Variants in CARMIL1 observed in about 807,000 individuals in gnomAD.
The protein encoded by CARMIL1 is capping protein regulator and myosin 1 linker 1, also known as F-actin-uncapping protein LRRC16A.
Under a neutral mutation model 177.1 loss-of-function variants are expected in CARMIL1, and 90 were observed. The observed-to-expected ratio is 0.51, with a 90% CI of 0.43 to 0.61. CARMIL1 has a LOEUF of 0.61. Ranked by LOEUF, CARMIL1 falls within the 20% of genes least tolerant of loss-of-function variation. The pLI, the probability that CARMIL1 is intolerant of heterozygous loss-of-function variation, is 0.00. For missense variants in CARMIL1, 1,380 were observed against 1,667.0 expected (o/e 0.83, Z 3.00); for synonymous variants, 577 against 606.2 (o/e 0.95, Z 0.71).
At chr6:25,296,139 T>C (rs1039621294) in intron 2 of CARMIL1, among the ~76,000 whole-genome samples, 7 of 152,250 alleles carry the variant, frequency 4.6e-5, no homozygotes, top group Non-Finnish European at 8.8e-5. Flanking sequence ...ATTTTATCTG[T>C]ATAGCCAACA....
At chr6:25,406,483 T>A (rs1794386690) in intron 2 of CARMIL1, among the ~76,000 whole-genome samples, 1 of 151,840 alleles carries the variant, frequency 6.6e-6, no homozygotes, top group South Asian at 2.1e-4. Context: ...AGATCCTATA[T>A]GAGCAGGTGA....
At chr6:25,320,783 A>G (rs1286906943) in intron 2 of CARMIL1, among the ~76,000 whole-genome samples, 1 of 152,270 alleles carries the variant, frequency 6.6e-6, no homozygotes, top group East Asian at 1.9e-4. Context: ...GAAGGACCTT[A>G]AAGATCTAGA....
At chr6:25,368,680 T>G (rs956377750) in intron 2 of CARMIL1, among the ~76,000 whole-genome samples, 9 of 152,240 alleles carry the variant, frequency 5.9e-5, no homozygotes, top group African/African-American at 1.9e-4. Context: ...GGTTAAGTCC[T>G]GTACTCTTTA....
chr6:25,619,079 T>C (rs2151360297), intron 36 of CARMIL1, among the ~76,000 whole-genome samples: 1 of 152,316 alleles, frequency 6.6e-6, no homozygotes, highest in African/African-American at 2.4e-5. Context: ...AGGGGGCAGC[T>C]ATGACTGAGG....
intron 4 of CARMIL1, among the ~76,000 whole-genome samples, chr6:25,432,259 C>T (rs530548704): frequency 1.3e-4 from 20 of 152,270 alleles, no homozygotes; most frequent in Admixed American, 2.6e-4. Flanking sequence ...GGAATATCTA[C>T]CAGTGGCACT....
rs368365072 is a variant in CARMIL1 at position 25,612,983 on chromosome 6, G to T, written c.3979+2802G>T. 168 of 769,758 alleles carry T rather than the reference G, an allele frequency of 2.2e-4. 2 individuals carry two copies. In the East Asian group the frequency reaches 0.01, roughly 48 times the overall value. 47.7% of individuals were successfully genotyped at this position (769,758 alleles called of 1,614,324 possible). A position where few individuals can be genotyped will look rare whatever the true frequency, so the allele number is the denominator to read the frequency against. Reference sequence around the variant, plus strand: ...ATTGAGTGAATTCTATCGTGGGACTGGGTCAGGGATTAGTCATACAAGAGA... The same window carrying T: ...ATTGAGTGAATTCTATCGTGGGACTTGGTCAGGGATTAGTCATACAAGAGA... On this transcript the variant is annotated intron_variant, in intron 36 of 36. Transcript: ENST00000329474.
intron 23 of CARMIL1, among the ~76,000 whole-genome samples, chr6:25,525,253 A>G (rs1009792068): frequency 2.6e-5 from 4 of 152,214 alleles, no homozygotes; most frequent in Admixed American, 6.5e-5. Flanking sequence ...ACACCTGTGT[A>G]TTGAGAAACG....
intron 2 of CARMIL1, among the ~76,000 whole-genome samples, chr6:25,354,330 ATTTTTTTTTTTTTTTT>A (rs67395838): frequency 1.2e-5 from 1 of 80,562 alleles, no homozygotes; most frequent in Non-Finnish European, 2.4e-5. Flanking sequence ...GACTAATTAA[ATTTTTTTTTTTTTTTT>A]TTTTTTTTTT....
chr6:25,560,741 A>T (rs1426838783), intron 29 of CARMIL1, among the ~76,000 whole-genome samples: 1 of 152,176 alleles, frequency 6.6e-6, no homozygotes, highest in African/African-American at 2.4e-5. Flanking sequence ...AAAGGATTAA[A>T]ATTTGCATTC....
chr6:25,578,639 G>A (rs1031150106), intron 29 of CARMIL1, among the ~76,000 whole-genome samples: 4 of 152,064 alleles, frequency 2.6e-5, no homozygotes, highest in African/African-American at 9.7e-5. Context: ...TAAATCCCAT[G>A]AAGGAAAGAT....
chr6:25,615,053 A>T (rs1358133918), intron 36 of CARMIL1, among the ~76,000 whole-genome samples: 1 of 152,252 alleles, frequency 6.6e-6, no homozygotes, highest in Non-Finnish European at 1.5e-5. Context: ...TTTATGCATA[A>T]TATTTTAATT....
intron 20 of CARMIL1, among the ~76,000 whole-genome samples, chr6:25,512,296 A>G (rs1342197354): frequency 6.6e-6 from 1 of 152,200 alleles, no homozygotes; most frequent in Non-Finnish European, 1.5e-5. Context: ...CTAAAACCAT[A>G]TCTGCAGATG....
At chr6:25,332,196 T>C (rs1464973086) in intron 2 of CARMIL1, among the ~76,000 whole-genome samples, 1 of 152,174 alleles carries the variant, frequency 6.6e-6, no homozygotes, top group Non-Finnish European at 1.5e-5. Flanking sequence ...AGATAGGTCA[T>C]AATAGTCATA....
rs1287414586 is a variant in CARMIL1 at position 25,390,320 on chromosome 6, A to ATTTTT, written c.139-29779_139-29775dup. 7.9e-4 allele frequency among the ~76,000 whole-genome samples: 46 copies of ATTTTT among 58,092 alleles called. 1 individual carries two copies. The highest frequency in any genetic ancestry group is 1.3e-3 in the African/African-American group (21 of 16,192). 38.1% of individuals were successfully genotyped at this position (58,092 alleles called of 152,430 possible). On this transcript the variant is annotated intron_variant, in intron 2 of 36. Transcript: ENST00000329474. ...TATATATATATATATATATATATAT[A>ATTTTT]TTTTTTTTTTTTTTTTTTTGAGACA... is the stretch of plus-strand genomic sequence containing the variant.
At chr6:25,334,389 G>A (rs1416561628) in intron 2 of CARMIL1, among the ~76,000 whole-genome samples, 3 of 152,200 alleles carry the variant, frequency 2.0e-5, no homozygotes. Flanking sequence ...TTATGCCTTG[G>A]TGATTTGTCT....
intron 36 of CARMIL1, among the ~76,000 whole-genome samples, chr6:25,615,917 C>T (rs1005370375): frequency 6.6e-6 from 1 of 152,168 alleles, no homozygotes. Flanking sequence ...AAAATTATCA[C>T]ATATATGCAA....
chr6:25,460,942 T>C (rs1478563355), intron 8 of CARMIL1, among the ~76,000 whole-genome samples: 3 of 152,178 alleles, frequency 2.0e-5, no homozygotes, highest in African/African-American at 7.2e-5. Flanking sequence ...AAGACTTACA[T>C]GTATCAATTT....
At chr6:25,360,587 T>C (rs1789090542) in intron 2 of CARMIL1, among the ~76,000 whole-genome samples, 1 of 152,184 alleles carries the variant, frequency 6.6e-6, no homozygotes, top group African/African-American at 2.4e-5. Context: ...CTCTGTCATG[T>C]TTTCTGTCCA....
intron 2 of CARMIL1, among the ~76,000 whole-genome samples, chr6:25,370,817 G>C (rs1399691592): frequency 1.3e-5 from 2 of 151,886 alleles, no homozygotes; most frequent in Admixed American, 6.6e-5. Context: ...TTGGTTACAC[G>C]GACAAATTGT....
Sources: gnomAD v4.1 joint callset for allele counts (sites outside exome capture counted in the v4.1 genomes callset) on GRCh38, gnomAD v4.1.1 for gene constraint, MANE v1.5 for transcripts, NCBI Gene and HGNC (gene_info 2026-07-23, HGNC 2026-07-21) for gene names.